The following DEF8 variants were observed in gnomAD, a reference collection of about 807,000 sequenced individuals.
DEF8 encodes DEF-8.
Under a neutral mutation model 59.1 loss-of-function variants are expected in DEF8, and 38 were observed. That is an observed-to-expected ratio of 0.64 (90% CI 0.50 to 0.84). DEF8 has a LOEUF of 0.84. DEF8 is among the 40% of genes least tolerant of loss of function. The pLI is 0.00. For synonymous variants in DEF8, 265 were observed against 250.1 expected (o/e 1.06, Z -0.56); for missense variants, 557 against 615.2 (o/e 0.91, Z 1.00).
At chr16:89,955,353 G>A (rs1376588400) in intron 4 of DEF8, 87 bp downstream of exon 4, 1 of 1,129,380 alleles carries the variant, frequency 8.9e-7, no homozygotes, top group Non-Finnish European at 1.3e-6. Flanking sequence ...TCCCTCCCAG[G>A]TGGCAGGGCA....
intron 2 of DEF8, among the ~76,000 whole-genome samples, chr16:89,953,216 GC>G (rs2032517388): frequency 6.6e-6 from 1 of 152,192 alleles, no homozygotes; most frequent in Admixed American, 6.5e-5. Context: ...CTTACAGCGA[GC>G]TTACTTTGTG....
In DEF8 at chr16:89,948,781, C is replaced by A; in HGVS notation, c.-141C>A. ...TAGCGGGGCGGCCGGGCGGATCCAG[C>A]GCAGCCGGGAGACAGATGCGAGGCG... is the stretch of plus-strand genomic sequence containing the variant. On this transcript the variant is annotated 5_prime_UTR_variant, in exon 1 of 13. Coordinates refer to ENST00000563594, the MANE Select transcript of DEF8 (RefSeq NM_001242818.2). The A allele has an allele frequency of 5.1e-6, 5 of 981,996 alleles. No individual in the cohort carries two copies. The highest frequency in any genetic ancestry group is 6.0e-6 in the Non-Finnish European group (5 of 829,086). The allele number at this position is 981,996 out of a possible 1,614,324, so 60.8% of individuals were successfully genotyped here.
rs2031805103 is a variant in DEF8 at position 89,950,433 on chromosome 16, G to A, written c.-11+920G>A. ...AGATGGAGTTTTGCTGTGTTGCCTAGGCTGGAGTGCAGTGGCACAATCTCG... is the reference window on the plus strand; with the variant it reads ...AGATGGAGTTTTGCTGTGTTGCCTAAGCTGGAGTGCAGTGGCACAATCTCG... On this transcript the variant is annotated intron_variant, in intron 2 of 12. Coordinates refer to ENST00000563594, the MANE Select transcript of DEF8 (RefSeq NM_001242818.2). 3 of 765,888 alleles carry A rather than the reference G, an allele frequency of 3.9e-6. No individual in the cohort carries two copies. In the South Asian group the frequency reaches 1.8e-4, roughly 45 times the overall value. The allele number at this position is 765,888 out of a possible 1,614,324, so 47.4% of individuals were successfully genotyped here. A position where few individuals can be genotyped will look rare whatever the true frequency, so the allele number is the denominator to read the frequency against.
At chr16:89,958,847 G>A (rs1296257143) in intron 5 of DEF8, among the ~76,000 whole-genome samples, 167 bp from the exon 6 acceptor site, 1 of 152,220 alleles carries the variant, frequency 6.6e-6, no homozygotes, top group East Asian at 1.9e-4. Flanking sequence ...TTGTCCAGCT[G>A]ATCATTGTTT....
intron 4 of DEF8, among the ~76,000 whole-genome samples, chr16:89,956,252 C>T (rs1451480425): frequency 1.3e-5 from 2 of 151,358 alleles, no homozygotes; most frequent in Non-Finnish European, 2.9e-5. Context: ...GTCAGGAGTT[C>T]GAGACCAGCC....
rs1044132924 is a variant in DEF8, at chr16:89,954,857, T to G, written c.125-312T>G. ...TGCAGTGGTTTTTCTCTCGCCCCCG[T>G]GGTCACGCATGAGGTGTCCACCTTA... On this transcript the variant is annotated intron_variant, in intron 3 of 12. Coordinates refer to ENST00000563594, the MANE Select transcript of DEF8 (RefSeq NM_001242818.2). This position sits in a 1 kb window ranked among gnomAD's most constrained non-coding sequence, Gnocchi z 4.3. Among the ~76,000 whole-genome samples the G allele has an allele frequency of 3.3e-5, 5 of 152,162 alleles. No homozygotes were observed. Among genetic ancestry groups the G allele is most frequent in the Admixed American group, 2.0e-4 (3 of 15,284 alleles).
chr16:89,958,711 G>A (rs1336537846), intron 5 of DEF8, among the ~76,000 whole-genome samples: 2 of 152,216 alleles, frequency 1.3e-5, no homozygotes, highest in African/African-American at 2.4e-5. Flanking sequence ...GAGGGGCAGA[G>A]AGGCCGGGTC....
chr16:89,955,202 A>C lies in DEF8; in HGVS notation c.158A>C (p.Glu53Ala). 1 of 1,613,608 alleles carries C rather than the reference A, an allele frequency of 6.2e-7. No individual in the cohort carries two copies. The highest frequency in any genetic ancestry group is 8.5e-7 in the Non-Finnish European group (1 of 1,179,950). Residue 53 changes from glutamate to alanine, a missense_variant, in exon 4 of 13, where the codon GAA (glutamate) becomes GCA (alanine). Transcript: ENST00000563594. The stretch of plus-strand genomic sequence containing the variant: ...CCTGAGCTGCCCCCTGGGGAGCCGG[A>C]ATTCCGCTGCCCTGAACGCGTGATG... ...ALPELPPGEP[E>A]FRCPERVMDL...
At chr16:89,949,869 G>T (rs1456215283) in intron 2 of DEF8, among the ~76,000 whole-genome samples, 1 of 152,174 alleles carries the variant, frequency 6.6e-6, no homozygotes, top group Non-Finnish European at 1.5e-5. Context: ...GAACTGGTGG[G>T]GTGAGCCTGG....
At chr16:89,953,835 C>T (rs1168008759) in intron 2 of DEF8, among the ~76,000 whole-genome samples, 1 of 152,186 alleles carries the variant, frequency 6.6e-6, no homozygotes, top group Non-Finnish European at 1.5e-5. Flanking sequence ...TCTCACATAG[C>T]AGGTGGATAG....
rs1351393026 is a variant in DEF8 at position 89,954,491 on chromosome 16, A to C, written c.124+115A>C. On this transcript the variant is annotated intron_variant, in intron 3 of 12. Transcript: ENST00000563594. The surrounding 1 kb of genome is among the most constrained non-coding windows in gnomAD (Gnocchi z 4.3). ...GCCCTGGCTTTCCCACGGAGCCGGCACCTGCTGGCTGTGTTCTTTTTCCCA... is the reference window on the plus strand; with the variant it reads ...GCCCTGGCTTTCCCACGGAGCCGGCCCCTGCTGGCTGTGTTCTTTTTCCCA... The C allele has an allele frequency of 1.1e-5, 13 of 1,169,048 alleles. No homozygotes were observed. Among genetic ancestry groups the C allele is most frequent in the Admixed American group, 2.5e-5 (1 of 39,816 alleles). The allele number at this position is 1,169,048 out of a possible 1,614,324, so 72.4% of individuals were successfully genotyped here. A position where few individuals can be genotyped will look rare whatever the true frequency, so the allele number is the denominator to read the frequency against.
rs1192573936 is a variant in DEF8, at chr16:89,957,496, C to T, written c.223-15C>T. 6.4e-7 allele frequency: 1 copy of T among 1,572,032 alleles called. No homozygotes were observed. The highest frequency in any genetic ancestry group is 1.2e-5 in the South Asian group (1 of 85,998). ...AGGATGGGCCTTTGACTGCCCCCGC[C>T]CCCAACCTGGGCAGGGTCTGTTCCT... On this transcript the variant is annotated splice_polypyrimidine_tract_variant and intron_variant, in intron 4 of 12. Coordinates refer to ENST00000563594, the MANE Select transcript of DEF8 (RefSeq NM_001242818.2).
rs952215782 is a variant in DEF8, at chr16:89,959,145, C to T, written c.504C>T (p.Tyr168=). 2 of 1,613,746 alleles carry T rather than the reference C, an allele frequency of 1.2e-6. No homozygotes were observed. Among genetic ancestry groups the T allele is most frequent in the Admixed American group, 1.7e-5 (1 of 60,008 alleles). ...TCTGGGGGCTCATTCAGACCTGGTA[C>T]ACCTGCACAGGTGGGCCGAGACCCA... ...TIIWGLIQTW[Y]TCTGCYYRCH... The change falls in exon 6 of 13, where the codon TAC becomes TAT. Residue 168 remains tyrosine, a synonymous_variant. Transcript: ENST00000563594.
chr16:89,949,698 C>T (rs1315810042), intron 2 of DEF8, 185 bp downstream of exon 2: 1 of 1,491,746 alleles, frequency 6.7e-7, no homozygotes, highest in East Asian at 2.3e-5. Flanking sequence ...CCCGGAACCC[C>T]GCCGGCTTTC....
chr16:89,950,297 C>G (rs1332138548), intron 2 of DEF8: 9 of 985,558 alleles, frequency 9.1e-6, no homozygotes, highest in Non-Finnish European at 9.6e-6. Context: ...ACATCATAAA[C>G]AAGTCCTTAG....
At chr16:89,952,292 C>A (rs541192662) in intron 2 of DEF8, among the ~76,000 whole-genome samples, 2 of 152,308 alleles carry the variant, frequency 1.3e-5, no homozygotes, top group South Asian at 2.1e-4. Context: ...GCTACCACGC[C>A]CGGCCCATTA....
rs1030462605 is a variant in DEF8, at chr16:89,954,467, C to T, written c.124+91C>T. 3.2e-5 allele frequency: 45 copies of T among 1,418,152 alleles called. No individual in the cohort carries two copies. Among genetic ancestry groups the T allele is most frequent in the Non-Finnish European group, 4.0e-5 (42 of 1,046,390 alleles). The allele number at this position is 1,418,152 out of a possible 1,614,324, so 87.8% of individuals were successfully genotyped here. ...TTTCTTCCTGCCGCGTCCTGCGCAG[C>T]CCTGGCTTTCCCACGGAGCCGGCAC... On this transcript the variant is annotated intron_variant, in intron 3 of 12. Transcript: ENST00000563594. The surrounding 1 kb of genome is among the most constrained non-coding windows in gnomAD (Gnocchi z 4.3).
rs751583125 is a variant in DEF8 at position 89,959,143 on chromosome 16, T to C, written c.502T>C (p.Tyr168His). Residue 168 changes from tyrosine to histidine, a missense_variant, in exon 6 of 13, where the codon TAC becomes CAC. Tyr to His is a moderately conservative substitution (Grantham distance 83, BLOSUM62 2). Coordinates refer to ENST00000563594, the MANE Select transcript of DEF8 (RefSeq NM_001242818.2). ...TIIWGLIQTW[Y>H]TCTGCYYRCH... ...CATCTGGGGGCTCATTCAGACCTGG[T>C]ACACCTGCACAGGTGGGCCGAGACC... The C allele has an allele frequency of 6.2e-7, 1 of 1,613,834 alleles. No individual in the cohort carries two copies. Among genetic ancestry groups the C allele is most frequent in the Non-Finnish European group, 8.5e-7 (1 of 1,179,948 alleles).
intron 2 of DEF8, among the ~76,000 whole-genome samples, chr16:89,953,680 G>C (rs1191135204): frequency 6.6e-6 from 1 of 152,188 alleles, no homozygotes; most frequent in African/African-American, 2.4e-5. Context: ...TCACTCACCT[G>C]TGGCAGAGCA....
Sources: gnomAD v4.1 joint callset for allele counts (sites outside exome capture counted in the v4.1 genomes callset) on GRCh38, gnomAD v4.1.1 for gene constraint, Gnocchi (gnomAD v3.1) non-coding constraint, MANE v1.5 for transcripts, NCBI Gene and HGNC (gene_info 2026-07-23, HGNC 2026-07-21) for gene names.